The following SRD5A2 variants were observed in gnomAD, a reference collection of about 807,000 sequenced individuals.
SRD5A2 encodes 3-oxo-5-alpha-steroid 4-dehydrogenase 2.
SRD5A2 carries 30 observed loss-of-function variants against 27.4 expected under a neutral mutation model. The observed-to-expected ratio is 1.10, with a 90% CI of 0.82 to 1.49. SRD5A2 has a LOEUF of 1.49. Among genes scored for constraint, SRD5A2 ranks in the 40% most tolerant of loss-of-function variants. The pLI, the probability that SRD5A2 is intolerant of heterozygous loss-of-function variation, is 0.00. For missense variants in SRD5A2, 348 were observed against 323.4 expected (o/e 1.08, Z -0.58); for synonymous variants, 141 against 133.6 (o/e 1.06, Z -0.38).
chr2:31,596,594 A>G, the SRD5A2 span, among the ~76,000 whole-genome samples: 1 of 152,088 alleles, frequency 6.6e-6, no homozygotes, highest in Non-Finnish European at 1.5e-5. Flanking sequence ...AGAAAACCCT[A>G]AAGACTCATC....
In SRD5A2 at chr2:31,529,258, GAGA is replaced by G. The variant is rs760733027; in HGVS notation, c.698+46_698+48del. 3.1e-6 allele frequency: 5 copies of G among 1,608,004 alleles called. No homozygotes were observed. The East Asian group carries it at 8.9e-5, about 29-fold the overall frequency. Reference sequence around the variant, plus strand: ...CCTCTGCGGGTTAAAAGCCTGTTTGGAGAAGAAGAAAGCTACGTGAATGCTGCC... The same window carrying G: ...CCTCTGCGGGTTAAAAGCCTGTTTGGAGAAGAAAGCTACGTGAATGCTGCC... On this transcript the variant is annotated intron_variant, in intron 4 of 4. Coordinates refer to ENST00000622030, the MANE Select transcript of SRD5A2 (RefSeq NM_000348.4).
the SRD5A2 span, among the ~76,000 whole-genome samples, chr2:31,642,554 C>T: frequency 5.9e-5 from 9 of 152,016 alleles, no homozygotes; most frequent in African/African-American, 1.7e-4. Context: ...TACACATTTA[C>T]TAGAATGTCT....
the SRD5A2 span, among the ~76,000 whole-genome samples, chr2:31,631,624 A>G: frequency 6.6e-6 from 1 of 152,164 alleles, no homozygotes; most frequent in Non-Finnish European, 1.5e-5. Context: ...TGATGGCTAT[A>G]TTGATGTTTC....
intron 1 of SRD5A2, among the ~76,000 whole-genome samples, chr2:31,544,667 C>T (rs1393124611): frequency 6.6e-6 from 1 of 151,398 alleles, no homozygotes; most frequent in African/African-American, 2.4e-5. Flanking sequence ...TAAGCTAAAC[C>T]CAAAGCTACC....
intron 1 of SRD5A2, among the ~76,000 whole-genome samples, chr2:31,559,364 C>T (rs1413152497): frequency 3.3e-5 from 5 of 152,180 alleles, no homozygotes; most frequent in Non-Finnish European, 7.4e-5. Flanking sequence ...CACTCTTTGA[C>T]TTATTCAATA....
intron 1 of SRD5A2, among the ~76,000 whole-genome samples, chr2:31,575,055 T>C (rs1198478205): frequency 1.3e-5 from 2 of 152,234 alleles, no homozygotes; most frequent in East Asian, 3.8e-4. Flanking sequence ...TTATTTAAAT[T>C]ATGATTCAGG....
At chr2:31,624,555 T>G in the SRD5A2 span, among the ~76,000 whole-genome samples, 1 of 151,894 alleles carries the variant, frequency 6.6e-6, no homozygotes, top group African/African-American at 2.4e-5. Context: ...CCCCACCCTG[T>G]GTCTAAGTGT....
chr2:31,575,746 A>G (rs1409217027), intron 1 of SRD5A2, among the ~76,000 whole-genome samples: 1 of 152,238 alleles, frequency 6.6e-6, no homozygotes, highest in East Asian at 1.9e-4. Flanking sequence ...ATATCATGGA[A>G]ATTACATTGC....
chr2:31,604,193 C>T, the SRD5A2 span, among the ~76,000 whole-genome samples: 5 of 151,700 alleles, frequency 3.3e-5, no homozygotes, highest in African/African-American at 1.2e-4. Flanking sequence ...TGGGGAAAAA[C>T]TGAAGTCTTT....
chr2:31,527,303 T>G (rs1308447544), intron 4 of SRD5A2, among the ~76,000 whole-genome samples: 3 of 152,200 alleles, frequency 2.0e-5, no homozygotes, highest in Non-Finnish European at 2.9e-5. Context: ...CACACTGTAT[T>G]AAAGTACCTT....
the SRD5A2 span, among the ~76,000 whole-genome samples, chr2:31,603,140 T>C: frequency 1.3e-5 from 2 of 151,980 alleles, no homozygotes; most frequent in African/African-American, 4.8e-5. Flanking sequence ...ACCTAGAGAA[T>C]GGGAGAAAAT....
At chr2:31,563,397 G>A (rs926562460) in intron 1 of SRD5A2, 2 of 151,832 alleles carry the variant, frequency 1.3e-5, no homozygotes, top group Non-Finnish European at 2.9e-5. Context: ...AAAAAGGTAA[G>A]TTATATGAAA....
chr2:31,527,637 G>C (rs549970434), intron 4 of SRD5A2: 44 of 152,450 alleles, frequency 2.9e-4, no homozygotes, highest in African/African-American at 1.0e-3. Context: ...CAAGTGCTGA[G>C]TGATGCCTTC....
chr2:31,543,057 G>C (rs1462808922), intron 1 of SRD5A2, among the ~76,000 whole-genome samples: 1 of 152,100 alleles, frequency 6.6e-6, no homozygotes, highest in Non-Finnish European at 1.5e-5. Context: ...GCAAGAGATA[G>C]AAATGACTTG....
chr2:31,560,293 G>C (rs1360544716), intron 1 of SRD5A2, among the ~76,000 whole-genome samples: 1 of 152,132 alleles, frequency 6.6e-6, no homozygotes, highest in African/African-American at 2.4e-5. Context: ...CATCTAGATA[G>C]ACTGTGGGGA....
chr2:31,633,092 G>C, the SRD5A2 span, among the ~76,000 whole-genome samples: 1 of 152,084 alleles, frequency 6.6e-6, no homozygotes, highest in Non-Finnish European at 1.5e-5. Context: ...AGCCAAAAGA[G>C]CCACAAGGTG....
chr2:31,551,245 A>G (rs1314630415), intron 1 of SRD5A2, among the ~76,000 whole-genome samples: 1 of 152,140 alleles, frequency 6.6e-6, no homozygotes, highest in Non-Finnish European at 1.5e-5. Flanking sequence ...ATGGATTAAA[A>G]GACTCAATAT....
the SRD5A2 span, among the ~76,000 whole-genome samples, chr2:31,593,391 T>C: frequency 6.6e-6 from 1 of 151,600 alleles, no homozygotes; most frequent in African/African-American, 2.4e-5. Context: ...ACAGGCAAAA[T>C]ACACTGGAAA....
At chr2:31,533,856 G>A in intron 1 of SRD5A2, 90 bp from the exon 2 acceptor site, 2 of 1,410,284 alleles carry the variant, frequency 1.4e-6, no homozygotes, top group Admixed American at 2.4e-5. Flanking sequence ...ACACCAGAAG[G>A]TACAAAAACC....
Sources: gnomAD v4.1 joint callset for allele counts (sites outside exome capture counted in the v4.1 genomes callset) on GRCh38, gnomAD v4.1.1 for gene constraint, MANE v1.5 for transcripts, NCBI Gene and HGNC (gene_info 2026-07-23, HGNC 2026-07-21) for gene names.